Variants in PTPRG observed in about 807,000 individuals in gnomAD.
PTPRG encodes the protein protein tyrosine phosphatase receptor type G.
In PTPRG, 102 loss-of-function variants were observed where a neutral mutation model predicts 165.3. The ratio of observed to expected loss-of-function variants is 0.62; its 90% CI spans 0.53 to 0.73. The LOEUF (loss-of-function observed/expected upper bound fraction) is 0.73, where lower values mean the gene tolerates loss of function less well. Ranked by LOEUF, PTPRG falls within the 30% of genes least tolerant of loss-of-function variation. The pLI, the probability that PTPRG is intolerant of heterozygous loss-of-function variation, is 0.00. For synonymous variants in PTPRG, 675 were observed against 669.5 expected, an observed-to-expected ratio of 1.01 and a Z score of -0.13; for missense variants, 1,866 against 1,861.4, an observed-to-expected ratio of 1.00 and a Z score of -0.05.
intron 3 of PTPRG, among the ~76,000 whole-genome samples, chr3:61,994,351 C>A (rs1043034452): frequency 6.6e-6 from 1 of 152,008 alleles, no homozygotes; most frequent in African/African-American, 2.4e-5. Flanking sequence ...TTTCTTATAT[C>A]CCACACTGAG....
At position 62,233,747 on chromosome 3, in the gene PTPRG, G is replaced by T. The variant is rs1700960605; in HGVS notation, c.2375+2436G>T. Among the ~76,000 whole-genome samples the T allele has an allele frequency of 6.6e-6, 1 of 152,196 alleles. No homozygotes were observed. The highest frequency in any genetic ancestry group is 2.1e-4 in the South Asian group (1 of 4,834). On this transcript the variant is annotated intron_variant, in intron 14 of 29. Transcript: ENST00000474889. The surrounding 1 kb of genome is among the most constrained non-coding windows in gnomAD (Gnocchi z 4.7). The stretch of plus-strand genomic sequence containing the variant: ...AGGAAGGAGACTGTGCCGCTAAGAC[G>T]CGTTGCACAGAGAATTGCTAAAAGC...
rs534550105 is a variant in PTPRG, at chr3:61,621,057, G to A, written c.85+58685G>A. 4.4e-3 allele frequency among the ~76,000 whole-genome samples: 520 copies of A among 118,306 alleles called. 7 individuals carry two copies. The highest frequency in any genetic ancestry group is 0.014 in the African/African-American group (477 of 35,144). 77.6% of individuals were successfully genotyped at this position (118,306 alleles called of 152,430 possible). Reference sequence around the variant, plus strand: ...TGTATATATATATATATATATGTGTGTGTGTGTGTGTGTGTGTGTGTATAT... The same window carrying A: ...TGTATATATATATATATATATGTGTATGTGTGTGTGTGTGTGTGTGTATAT... On this transcript the variant is annotated intron_variant, in intron 1 of 29. Coordinates refer to ENST00000474889, the MANE Select transcript of PTPRG (RefSeq NM_002841.4).
At chr3:61,982,766 T>C (rs990112222) in intron 2 of PTPRG, among the ~76,000 whole-genome samples, 2 of 152,164 alleles carry the variant, frequency 1.3e-5, no homozygotes, top group African/African-American at 2.4e-5. Flanking sequence ...AGTTTAGGCA[T>C]TGGTACTGAA....
chr3:61,733,333 C>CGTT (rs2106844549), intron 1 of PTPRG, among the ~76,000 whole-genome samples: 1 of 152,274 alleles, frequency 6.6e-6, no homozygotes, highest in South Asian at 2.1e-4. Flanking sequence ...GCTTCCTTTC[C>CGTT]GTTTCTCTAT....
At chr3:61,614,893 C>A (rs1575539103) in intron 1 of PTPRG, among the ~76,000 whole-genome samples, 1 of 152,180 alleles carries the variant, frequency 6.6e-6, no homozygotes, top group Non-Finnish European at 1.5e-5. Context: ...TATGTGGCAG[C>A]TCCTTCTCTT....
At chr3:61,834,251 C>T (rs971637797) in intron 2 of PTPRG, among the ~76,000 whole-genome samples, 1 of 152,166 alleles carries the variant, frequency 6.6e-6, no homozygotes, top group Non-Finnish European at 1.5e-5. Flanking sequence ...AAAAATTGGT[C>T]TCAGAATCAT....
intron 14 of PTPRG, among the ~76,000 whole-genome samples, chr3:62,236,187 T>A (rs1027210678): frequency 6.6e-6 from 1 of 152,234 alleles, no homozygotes; most frequent in African/African-American, 2.4e-5. Context: ...AGAACTTACA[T>A]TGGGCTCCTT....
intron 1 of PTPRG, among the ~76,000 whole-genome samples, chr3:61,613,923 C>A (rs62244363): frequency 6.6e-6 from 1 of 152,158 alleles, no homozygotes; most frequent in South Asian, 2.1e-4. Context: ...ATCCTCACAT[C>A]CTGTTGGTTT....
At chr3:61,769,747 GC>G (rs2034149317) in intron 2 of PTPRG, 1 of 152,152 alleles carries the variant, frequency 6.6e-6, no homozygotes, top group Non-Finnish European at 1.5e-5. Context: ...AAAAAACTGG[GC>G]GTAGAGAGTA....
chr3:61,885,653 CCTTCTCTCCTCTCCTCTCCT>C (rs1559669026), intron 2 of PTPRG, among the ~76,000 whole-genome samples: 1 of 115,830 alleles, frequency 8.6e-6, no homozygotes. Context: ...TCACTCTTTT[CCTTCTCTCCTCTCCTCTCCT>C]CTCCTCTCCT....
intron 2 of PTPRG, among the ~76,000 whole-genome samples, chr3:61,882,865 T>C (rs557133797): frequency 2.6e-5 from 4 of 152,196 alleles, no homozygotes; most frequent in Non-Finnish European, 5.9e-5. Context: ...TCTTCTAAAA[T>C]CTCCTTCAGT....
chr3:61,862,495 G>C (rs969583682), intron 2 of PTPRG, among the ~76,000 whole-genome samples: 11 of 149,018 alleles, frequency 7.4e-5, no homozygotes, highest in African/African-American at 2.7e-4. Context: ...TCCAGCAATT[G>C]TCCTGCCTCA....
At chr3:61,999,429 G>A (rs546338066) in intron 3 of PTPRG, among the ~76,000 whole-genome samples, 21 of 152,226 alleles carry the variant, frequency 1.4e-4, no homozygotes, top group African/African-American at 4.8e-4. Context: ...AGGCCCTGAC[G>A]CATCATACCA....
At chr3:61,585,577 T>G (rs1234982323) in intron 1 of PTPRG, among the ~76,000 whole-genome samples, 1 of 151,986 alleles carries the variant, frequency 6.6e-6, no homozygotes, top group Non-Finnish European at 1.5e-5. Flanking sequence ...AAACCCTGTC[T>G]CTACAAAAAA....
At chr3:62,049,507 G>A (rs2106644648) in intron 4 of PTPRG, among the ~76,000 whole-genome samples, 1 of 152,276 alleles carries the variant, frequency 6.6e-6, no homozygotes, top group Admixed American at 6.5e-5. Flanking sequence ...GTAATCAAAT[G>A]CATCTTTTAC....
At chr3:62,009,583 C>A (rs949679900) in intron 4 of PTPRG, among the ~76,000 whole-genome samples, 10 of 152,154 alleles carry the variant, frequency 6.6e-5, no homozygotes, top group Admixed American at 5.9e-4. Context: ...CGGGGTTCTT[C>A]CCTGGAATAC....
rs534034986 is a variant in PTPRG, at chr3:61,954,714, C to A, written c.191-34911C>A. ...TCCCTTGCAAAACCGCATACTACAT[C>A]CATTATTTTTCCTTAAGTTATAGCA... On this transcript the variant is annotated intron_variant, in intron 2 of 29. Transcript: ENST00000474889. Among the ~76,000 whole-genome samples, 13 of 152,224 alleles carry A rather than the reference C, an allele frequency of 8.5e-5. 1 individual carries two copies. The South Asian group carries it at 1.9e-3, about 22-fold the overall frequency.
At chr3:61,618,563 TG>T (rs907044716) in intron 1 of PTPRG, among the ~76,000 whole-genome samples, 2 of 152,196 alleles carry the variant, frequency 1.3e-5, no homozygotes, top group Non-Finnish European at 2.9e-5. Context: ...TTTTTAGTAT[TG>T]GTTTGCAGAA....
intron 2 of PTPRG, among the ~76,000 whole-genome samples, chr3:61,756,561 CT>C (rs2033640852): frequency 6.6e-6 from 1 of 152,032 alleles, no homozygotes; most frequent in Admixed American, 6.6e-5. Flanking sequence ...GAGTTCTTTT[CT>C]TATTTTTTTT....
Sources: allele counts gnomAD v4.1 joint callset (sites outside exome capture counted in the v4.1 genomes callset), GRCh38; gene constraint gnomAD v4.1.1; non-coding constraint Gnocchi (gnomAD v3.1); transcripts MANE v1.5; gene names NCBI Gene and HGNC (gene_info 2026-07-23, HGNC 2026-07-21).